Variants in MAPK8IP3 observed in about 807,000 individuals in gnomAD.
MAPK8IP3 encodes the protein C-Jun-amino-terminal kinase-interacting protein 3.
Under a neutral mutation model 157.8 loss-of-function variants are expected in MAPK8IP3, and 49 were observed. The observed-to-expected ratio is 0.31, with a 90% confidence interval of 0.25 to 0.39. The LOEUF (loss-of-function observed/expected upper bound fraction) is 0.39. Ranked by LOEUF, MAPK8IP3 falls within the 10% of genes least tolerant of loss-of-function variation. The pLI, the probability that MAPK8IP3 is intolerant of heterozygous loss-of-function variation, is 1.00. For synonymous variants in MAPK8IP3, 897 were observed against 777.7 expected (o/e 1.15, Z -2.55); for missense variants, 1,478 against 1,889.4 (o/e 0.78, Z 4.04).
At chr16:1,745,358 GC>G in intron 5 of MAPK8IP3, 1 of 168,322 alleles carries the variant, frequency 5.9e-6, no homozygotes, top group Non-Finnish European at 1.2e-5. Context: ...GACACCAGGT[GC>G]CTGTGACACA....
chr16:1,734,872 CTTAG>C (rs1266288873), intron 4 of MAPK8IP3: 3 of 154,006 alleles, frequency 1.9e-5, no homozygotes, highest in Admixed American at 6.6e-5. Context: ...CCTGGCGTGG[CTTAG>C]TGAGTGTGTG....
chr16:1,732,827 G>A (rs1165987450), intron 4 of MAPK8IP3, among the ~76,000 whole-genome samples: 3 of 152,108 alleles, frequency 2.0e-5, no homozygotes, highest in Non-Finnish European at 4.4e-5. Context: ...GCCAGGGCGT[G>A]TGGATGCCAG....
chr16:1,729,088 G>A (rs117647958), intron 2 of MAPK8IP3, 50 bp from the exon 3 acceptor site: 4 of 1,555,246 alleles, frequency 2.6e-6, no homozygotes, highest in African/African-American at 2.7e-5. Context: ...AAGAGTTCAG[G>A]GCCATGGAGA....
At chr16:1,734,748 A>G (rs1271785863) in intron 4 of MAPK8IP3, among the ~76,000 whole-genome samples, 3 of 152,336 alleles carry the variant, frequency 2.0e-5, no homozygotes, top group Middle Eastern at 3.4e-3. Flanking sequence ...GGGGACACAT[A>G]TTTGAGTCAG....
intron 10 of MAPK8IP3, among the ~76,000 whole-genome samples, chr16:1,759,489 C>T (rs1430098190): frequency 6.6e-6 from 1 of 152,138 alleles, no homozygotes; most frequent in Non-Finnish European, 1.5e-5. Context: ...GGTAGAGGAG[C>T]CTTCAGTCCT....
intron 1 of MAPK8IP3, among the ~76,000 whole-genome samples, chr16:1,708,451 TCAGTATAGTGGA>T (rs1343327958): frequency 6.6e-6 from 1 of 152,074 alleles, no homozygotes; most frequent in African/African-American, 2.4e-5. Context: ...ACCTGTGTGG[TCAGTATAGTGGA>T]CGAGAAGGAA....
rs918803960 is a variant in MAPK8IP3, at chr16:1,768,957, T to C, written c.*133T>C. 3.7e-6 allele frequency: 4 copies of C among 1,066,832 alleles called. No homozygotes were observed. Among genetic ancestry groups the C allele is most frequent in the African/African-American group, 1.6e-5 (1 of 63,286 alleles). 66.1% of individuals were successfully genotyped at this position (1,066,832 alleles called of 1,614,324 possible). A position where few individuals can be genotyped will look rare whatever the true frequency, so the allele number is the denominator to read the frequency against. On this transcript the variant is annotated 3_prime_UTR_variant, in exon 32 of 32. Coordinates refer to ENST00000610761, the MANE Select transcript of MAPK8IP3 (RefSeq NM_001318852.2). ...TCAACCTGCAGCTTTCACCTGAGTC[T>C]GGCCCCTCCAGCGGGCAGGGAGTGC...
At chr16:1,737,638 ATCCGTGTGACTG>A (rs2040099342) in intron 4 of MAPK8IP3, among the ~76,000 whole-genome samples, 1 of 60,618 alleles carries the variant, frequency 1.6e-5, no homozygotes, top group African/African-American at 7.0e-5. Context: ...CCATGTGAGC[ATCCGTGTGACTG>A]TCCGTGTGAG....
chr16:1,764,665 T>C (rs2042152551), intron 19 of MAPK8IP3, among the ~76,000 whole-genome samples: 2 of 152,182 alleles, frequency 1.3e-5, no homozygotes, highest in South Asian at 4.1e-4. Context: ...ACCCCCCAGG[T>C]GGCCTGGAGT....
intron 8 of MAPK8IP3, chr16:1,752,335 C>T (rs1432902140): frequency 9.0e-6 from 2 of 222,818 alleles, no homozygotes; most frequent in Non-Finnish European, 1.9e-5. Flanking sequence ...CCACCCTACT[C>T]TGCAGGGTGC....
chr16:1,756,757 C>T (rs2041624899), intron 8 of MAPK8IP3, among the ~76,000 whole-genome samples: 1 of 151,778 alleles, frequency 6.6e-6, no homozygotes, highest in African/African-American at 2.4e-5. Context: ...GGGAGGTCAA[C>T]GTTGCAGTAA....
At chr16:1,727,852 G>C (rs1446719814) in intron 2 of MAPK8IP3, among the ~76,000 whole-genome samples, 1 of 152,218 alleles carries the variant, frequency 6.6e-6, no homozygotes, top group African/African-American at 2.4e-5. Context: ...AGATCACAGA[G>C]CAGGATGGCC....
At chr16:1,761,961 G>A (rs1397886751) in intron 13 of MAPK8IP3, among the ~76,000 whole-genome samples, 2 of 152,166 alleles carry the variant, frequency 1.3e-5, no homozygotes, top group Non-Finnish European at 2.9e-5. Context: ...CAGGGCTGGG[G>A]TGGGCACGGG....
In MAPK8IP3 at chr16:1,766,130, G is replaced by C. The variant is rs2141949474; in HGVS notation, c.2617G>C (p.Asp873His). The C allele has an allele frequency of 6.2e-7, 1 of 1,611,438 alleles. No individual in the cohort carries two copies. Among genetic ancestry groups the C allele is most frequent in the Non-Finnish European group, 8.5e-7 (1 of 1,179,114 alleles). Residue 873 changes from aspartate (D) to histidine (H), a missense_variant, in exon 21 of 32, where the codon GAC becomes CAC. This residue lies in a region of MAPK8IP3 where 669 missense variants were observed against 759.8 expected (regional missense o/e 0.88). Transcript: ENST00000610761. ...CSSRGDTPVL[D>H]KGQGEVATIA... ...CTCCCGAGGGGACACCCCAGTGCTA[G>C]ACAAGGGGCAGGGTGAGTCCTGGGC...
chr16:1,732,819 C>T (rs956095724), intron 4 of MAPK8IP3, among the ~76,000 whole-genome samples: 1 of 152,040 alleles, frequency 6.6e-6, no homozygotes, highest in Non-Finnish European at 1.5e-5. Flanking sequence ...AGAACTACGC[C>T]AGGGCGTGTG....
At chr16:1,760,270 T>C in intron 11 of MAPK8IP3, 110 bp from the exon 12 acceptor site, 1 of 1,419,268 alleles carries the variant, frequency 7.0e-7, no homozygotes, top group African/African-American at 1.4e-5. Context: ...GCCACCTTCC[T>C]AACCAGGCTG....
In MAPK8IP3 at chr16:1,737,447, TGTGA is replaced by T. The variant is rs1377590150; in HGVS notation, c.603-5881_603-5878del. 8.3e-4 allele frequency among the ~76,000 whole-genome samples: 88 copies of T among 106,542 alleles called. 3 individuals carry two copies. The highest frequency in any genetic ancestry group is 0.012 in the Middle Eastern group (2 of 172). The allele number at this position is 106,542 out of a possible 152,430, so 69.9% of individuals were successfully genotyped here. A position where few individuals can be genotyped will look rare whatever the true frequency, so the allele number is the denominator to read the frequency against. ...GTCCGTGTGAGTGTGTGAGCGTCCG[TGTGA>T]GTGTGACCACCCATGTGAGCATCTG... On this transcript the variant is annotated intron_variant, in intron 4 of 31. Coordinates refer to ENST00000610761, the MANE Select transcript of MAPK8IP3 (RefSeq NM_001318852.2).
chr16:1,738,464 GTCCGTGTGAGCA>G (rs1317672284), intron 4 of MAPK8IP3, among the ~76,000 whole-genome samples: 1 of 106,194 alleles, frequency 9.4e-6, no homozygotes, highest in African/African-American at 3.9e-5. Context: ...ATGTGTGACC[GTCCGTGTGAGCA>G]TCCGTGTGAG....
chr16:1,768,699 G>A lies in MAPK8IP3; in HGVS notation c.3893-4G>A, dbSNP rs376365160. The A allele has an allele frequency of 6.3e-5, 101 of 1,611,864 alleles. No individual in the cohort carries two copies. The highest frequency in any genetic ancestry group is 2.4e-4 in the African/African-American group (18 of 74,982). ...TGGCCGTCACTCTGCTGCTTTGCCC[G>A]CAGGAGACGGAGAGGACGACGAGAC... is the stretch of plus-strand genomic sequence containing the variant. On this transcript the variant is annotated splice_polypyrimidine_tract_variant and splice_region_variant and intron_variant, in intron 31 of 31. Transcript: ENST00000610761.
Sources: allele counts gnomAD v4.1 joint callset (sites outside exome capture counted in the v4.1 genomes callset), GRCh38; gene constraint gnomAD v4.1.1; regional missense constraint gnomAD v4.1.1; transcripts MANE v1.5; gene names NCBI Gene and HGNC (gene_info 2026-07-23, HGNC 2026-07-21).